Variants in FGF1 observed in about 807,000 individuals in gnomAD.
The protein encoded by FGF1 is fibroblast growth factor 1.
FGF1 carries 9 observed loss-of-function variants against 13.4 expected under a neutral mutation model. The observed-to-expected ratio is 0.67, with a 90% CI of 0.40 to 1.17. The LOEUF (loss-of-function observed/expected upper bound fraction) is 1.17, where lower values mean the gene tolerates loss of function less well. FGF1 is among the 50% of genes most tolerant of loss of function. The probability of loss-of-function intolerance (pLI) is 0.01; values close to 1 mark genes in which losing one functional copy is unlikely to be tolerated. For synonymous variants in FGF1, 93 were observed against 79.0 expected, an observed-to-expected ratio of 1.18 and a Z score of -0.94; for missense variants, 156 against 192.7, an observed-to-expected ratio of 0.81 and a Z score of 1.13.
intron 1 of FGF1, among the ~76,000 whole-genome samples, chr5:142,665,103 G>T (rs1770042280): frequency 6.6e-6 from 1 of 152,104 alleles, no homozygotes. Context: ...TGCTCTGAAG[G>T]CTGAAGTGGA....
intron 1 of FGF1, among the ~76,000 whole-genome samples, chr5:142,675,472 A>G (rs1406029720): frequency 6.6e-6 from 1 of 152,190 alleles, no homozygotes; most frequent in African/African-American, 2.4e-5. Context: ...GAATATTCTC[A>G]GACCTCGAAA....
chr5:142,607,075 G>T (rs1294142637), intron 2 of FGF1, among the ~76,000 whole-genome samples: 1 of 152,124 alleles, frequency 6.6e-6, no homozygotes, highest in African/African-American at 2.4e-5. Flanking sequence ...CTTAGAGCTG[G>T]CCAAGACTCC....
At chr5:142,622,603 C>T (rs567896407) in intron 1 of FGF1, among the ~76,000 whole-genome samples, 1 of 152,304 alleles carries the variant, frequency 6.6e-6, no homozygotes, top group African/African-American at 2.4e-5. Context: ...CCTTTAGTCT[C>T]AAGTCTGAAC....
In FGF1 at chr5:142,646,909, CA is replaced by C. The variant is rs1766261588; in HGVS notation, c.-34-32749del. Among the ~76,000 whole-genome samples the C allele has an allele frequency of 2.0e-5, 3 of 152,188 alleles. No homozygotes were observed. The South Asian group carries it at 6.2e-4, about 32-fold the overall frequency. On this transcript the variant is annotated intron_variant, in intron 1 of 3. Transcript: ENST00000337706. ...ATCTGGGACCTGGCCCACTGTGAAG[CA>C]AAATGTATTAGGATAAATCAATCGG...
chr5:142,614,210 A>G, intron 1 of FGF1, 49 bp from the exon 2 acceptor site: 1 of 1,476,010 alleles, frequency 6.8e-7, no homozygotes, highest in Admixed American at 1.8e-5. Flanking sequence ...GCAAAGGCAC[A>G]AAATGCACTT....
chr5:142,643,664 A>C (rs114750580), intron 1 of FGF1, among the ~76,000 whole-genome samples: 3,863 of 152,296 alleles, frequency 0.025, 171 homozygotes, highest in African/African-American at 0.088. Context: ...GTGACCGCTA[A>C]GGAATCAGGC....
Position 142,603,693 on chromosome 5 carries a change from A to G in FGF1, c.170-2888T>C, listed in dbSNP as rs116635370. On this transcript the variant is annotated intron_variant, in intron 2 of 3. Transcript: ENST00000337706. The stretch of plus-strand genomic sequence containing the variant: ...ATTATCAATAAGCTGTGCACTTTGA[A>G]TTATGTCTCCAATAACTCTCTGAGG... Among the ~76,000 whole-genome samples, 322 of 152,280 alleles carry G rather than the reference A, an allele frequency of 2.1e-3. 3 individuals carry two copies. The highest frequency in any genetic ancestry group is 7.5e-3 in the African/African-American group (313 of 41,566).
chr5:142,632,243 G>C (rs1306973151), intron 1 of FGF1, among the ~76,000 whole-genome samples: 7 of 152,230 alleles, frequency 4.6e-5, no homozygotes, highest in Admixed American at 4.6e-4. Flanking sequence ...GTTATAAAGA[G>C]AGAAGAGCAG....
chr5:142,615,336 G>A (rs1760006277), intron 1 of FGF1, among the ~76,000 whole-genome samples: 1 of 152,006 alleles, frequency 6.6e-6, no homozygotes. Context: ...CAATTCTCCT[G>A]CCTTAGCCTC....
At chr5:142,613,690 T>C (rs1384681448) in intron 2 of FGF1, among the ~76,000 whole-genome samples, 1 of 152,196 alleles carries the variant, frequency 6.6e-6, no homozygotes, top group Non-Finnish European at 1.5e-5. Flanking sequence ...CATACAGCAA[T>C]TGAGCACCGG....
intron 1 of FGF1, among the ~76,000 whole-genome samples, chr5:142,631,427 A>G (rs1003321155): frequency 6.6e-6 from 1 of 152,316 alleles, no homozygotes; most frequent in African/African-American, 2.4e-5. Context: ...CAGGGCAAAC[A>G]TTGCAAAGAA....
intron 1 of FGF1, among the ~76,000 whole-genome samples, chr5:142,648,680 C>T (rs1178939812): frequency 6.9e-6 from 1 of 144,310 alleles, no homozygotes; most frequent in Non-Finnish European, 1.5e-5. Flanking sequence ...TGATTTGTCC[C>T]CCACCAACCA....
At chr5:142,671,789 C>T (rs1435876848) in intron 1 of FGF1, 1 of 152,196 alleles carries the variant, frequency 6.6e-6, no homozygotes, top group Non-Finnish European at 1.5e-5. Context: ...TGTTTCATTC[C>T]AGGCAGAGTG....
chr5:142,694,279 G>C (rs1480143535), intron 2 of FGF1, among the ~76,000 whole-genome samples: 2 of 150,506 alleles, frequency 1.3e-5, no homozygotes, highest in Non-Finnish European at 3.0e-5. Flanking sequence ...CAAAGGTCAC[G>C]ACTCACTCTC....
chr5:142,618,855 A>C (rs1760780294), intron 1 of FGF1, among the ~76,000 whole-genome samples: 1 of 151,858 alleles, frequency 6.6e-6, no homozygotes, highest in South Asian at 2.1e-4. Flanking sequence ...CTGGAAACTA[A>C]GCTGGAAGGA....
At chr5:142,609,127 G>A (rs913152207) in intron 2 of FGF1, among the ~76,000 whole-genome samples, 7 of 152,278 alleles carry the variant, frequency 4.6e-5, no homozygotes, top group African/African-American at 1.2e-4. Context: ...CAGGGCAGGA[G>A]GCATTTCATG....
At chr5:142,678,725 G>A (rs1333355224) in intron 1 of FGF1, among the ~76,000 whole-genome samples, 1 of 152,222 alleles carries the variant, frequency 6.6e-6, no homozygotes, top group African/African-American at 2.4e-5. Context: ...CAAAAGAGAG[G>A]CTAGATTTAT....
At chr5:142,618,929 G>GTTTTTTTTTTTTTTT (rs869093279) in intron 1 of FGF1, among the ~76,000 whole-genome samples, 2 of 61,250 alleles carry the variant, frequency 3.3e-5, no homozygotes, top group Admixed American at 2.0e-4. Flanking sequence ...TAGTTGTTTT[G>GTTTTTTTTTTTTTTT]TTTTTTTTTT....
At chr5:142,628,131 A>C (rs930233335) in intron 1 of FGF1, among the ~76,000 whole-genome samples, 1 of 152,190 alleles carries the variant, frequency 6.6e-6, no homozygotes, top group Non-Finnish European at 1.5e-5. Flanking sequence ...AGGTGAGTTA[A>C]AATCTTGAAT....
Sources: gnomAD v4.1 joint callset for allele counts (sites outside exome capture counted in the v4.1 genomes callset) on GRCh38, gnomAD v4.1.1 for gene constraint, MANE v1.5 for transcripts, NCBI Gene and HGNC (gene_info 2026-07-23, HGNC 2026-07-21) for gene names.